Variants in OSBPL1A observed in about 807,000 individuals in gnomAD.
OSBPL1A encodes oxysterol-binding protein-related protein 1.
OSBPL1A carries 80 observed loss-of-function variants against 137.1 expected under a neutral mutation model. The ratio of observed to expected loss-of-function variants is 0.58; its 90% confidence interval spans 0.49 to 0.70. OSBPL1A has a LOEUF of 0.70. Among genes scored for constraint, OSBPL1A ranks in the 30% least tolerant of loss-of-function variants. The pLI, the probability that OSBPL1A is intolerant of heterozygous loss-of-function variation, is 0.00. For synonymous variants in OSBPL1A, 365 were observed against 389.7 expected, an observed-to-expected ratio of 0.94 and a Z score of 0.75; for missense variants, 970 against 1,129.4, an observed-to-expected ratio of 0.86 and a Z score of 2.02.
At chr18:24,282,859 C>T (rs972711449) in intron 14 of OSBPL1A, among the ~76,000 whole-genome samples, 1 of 151,976 alleles carries the variant, frequency 6.6e-6, no homozygotes, top group Non-Finnish European at 1.5e-5. Context: ...GTGTAATCCT[C>T]GCACTTTGAG....
chr18:24,368,887 T>C (rs923470965), intron 2 of OSBPL1A, among the ~76,000 whole-genome samples: 11 of 152,072 alleles, frequency 7.2e-5, no homozygotes, highest in Admixed American at 2.6e-4. Context: ...CCATATCTCA[T>C]GTTGAATTGG....
intron 15 of OSBPL1A, among the ~76,000 whole-genome samples, chr18:24,267,876 T>G (rs2089621669): frequency 6.6e-6 from 1 of 151,056 alleles, no homozygotes; most frequent in Admixed American, 6.6e-5. Context: ...GGGATGAACA[T>G]GAATCCTACC....
At chr18:24,243,566 CA>C (rs1190080861) in intron 15 of OSBPL1A, among the ~76,000 whole-genome samples, 1 of 152,100 alleles carries the variant, frequency 6.6e-6, no homozygotes, top group Non-Finnish European at 1.5e-5. Flanking sequence ...CCAGTCCCCT[CA>C]AAAAAATCTT....
chr18:24,200,494 G>A (rs12967712), intron 17 of OSBPL1A, among the ~76,000 whole-genome samples: 102,503 of 150,892 alleles, frequency 0.68, 36,651 homozygotes, highest in Non-Finnish European at 0.8. Flanking sequence ...CCTGGGAAGC[G>A]GAGGTTGCAG....
chr18:24,197,786 C>CT (rs1043369707), intron 17 of OSBPL1A, among the ~76,000 whole-genome samples: 3,101 of 122,742 alleles, frequency 0.025, 53 homozygotes, highest in African/African-American at 0.043. Flanking sequence ...CTTTTCTTTT[C>CT]TTTTTTTTTT....
At chr18:24,358,572 G>A (rs992668591) in intron 4 of OSBPL1A, 8 of 699,870 alleles carry the variant, frequency 1.1e-5, no homozygotes, top group African/African-American at 3.5e-5. Context: ...GAAACGATAC[G>A]TGTCAAGTTG....
chr18:24,226,994 C>T (rs896657303), intron 16 of OSBPL1A, among the ~76,000 whole-genome samples: 1 of 147,432 alleles, frequency 6.8e-6, no homozygotes, highest in African/African-American at 2.5e-5. Flanking sequence ...CAAGTTCAAG[C>T]AATTCTCCTG....
Position 24,335,816 on chromosome 18 carries a change from A to G in OSBPL1A, c.395-1486T>C, listed in dbSNP as rs542472620. 5.3e-5 allele frequency among the ~76,000 whole-genome samples: 8 copies of G among 152,376 alleles called. No homozygotes were observed. In the East Asian group the frequency reaches 1.2e-3, roughly 22 times the overall value. Reference sequence around the variant, plus strand: ...ATTGCATTTAAACTACAGGGAACACATGTATTGAATCCAGCAACTGCTGAA... The same window carrying G: ...ATTGCATTTAAACTACAGGGAACACGTGTATTGAATCCAGCAACTGCTGAA... On this transcript the variant is annotated intron_variant, in intron 5 of 27. Transcript: ENST00000319481.
rs998996971 is a variant in OSBPL1A, at chr18:24,243,870, G to T, written c.1282-4488C>A. On this transcript the variant is annotated intron_variant, in intron 15 of 27. Transcript: ENST00000319481. ...CCTGTCATGTAAGTGATGTATATGA[G>T]AGAGTAACTACACATCACAGAAAAT... Among the ~76,000 whole-genome samples the T allele has an allele frequency of 1.1e-4, 16 of 152,186 alleles. 1 individual carries two copies. Among genetic ancestry groups the T allele is most frequent in the Admixed American group, 1.0e-3 (16 of 15,280 alleles).
At chr18:24,200,543 C>T (rs2087188201) in intron 17 of OSBPL1A, among the ~76,000 whole-genome samples, 1 of 132,340 alleles carries the variant, frequency 7.6e-6, no homozygotes, top group Non-Finnish European at 1.6e-5. Context: ...GCCTGGGTGA[C>T]AGAGTGAGAC....
At chr18:24,302,246 A>AG (rs1357928446) in intron 14 of OSBPL1A, 7 of 151,474 alleles carry the variant, frequency 4.6e-5, no homozygotes, top group Non-Finnish European at 8.8e-5. Context: ...GAAAAAAAAA[A>AG]AAAAAAAGTT....
At chr18:24,309,269 T>G (rs1363554569) in intron 13 of OSBPL1A, among the ~76,000 whole-genome samples, 2 of 152,246 alleles carry the variant, frequency 1.3e-5, no homozygotes, top group Admixed American at 1.3e-4. Context: ...TAATTAATTC[T>G]AGGACTTGTT....
intron 17 of OSBPL1A, among the ~76,000 whole-genome samples, chr18:24,201,908 CTGTT>C (rs2087232870): frequency 6.6e-6 from 1 of 152,302 alleles, no homozygotes; most frequent in African/African-American, 2.4e-5. Flanking sequence ...ACACTCAACA[CTGTT>C]TGCTCATAGA....
chr18:24,178,847 T>A (rs1567923292), intron 20 of OSBPL1A, among the ~76,000 whole-genome samples: 1 of 152,084 alleles, frequency 6.6e-6, no homozygotes, highest in East Asian at 1.9e-4. Flanking sequence ...TCAAAACTTG[T>A]GCAGAGAAGA....
At chr18:24,243,616 G>A (rs914610125) in intron 15 of OSBPL1A, among the ~76,000 whole-genome samples, 8 of 152,138 alleles carry the variant, frequency 5.3e-5, no homozygotes, top group Non-Finnish European at 1.0e-4. Context: ...CCTAAAATAA[G>A]CACCACTTAG....
intron 4 of OSBPL1A, chr18:24,358,520 A>T: frequency 1.4e-6 from 1 of 702,316 alleles, no homozygotes; most frequent in Non-Finnish European, 2.6e-6. Flanking sequence ...ATCTAGAACA[A>T]ATTATATGTA....
chr18:24,366,669 C>T (rs1373294875), intron 4 of OSBPL1A: 1 of 387,244 alleles, frequency 2.6e-6, no homozygotes, highest in Non-Finnish European at 4.6e-6. Flanking sequence ...ACGGAATGAT[C>T]TCCTCACAGG....
At chr18:24,306,675 C>T (rs753324287) in intron 13 of OSBPL1A, among the ~76,000 whole-genome samples, 1 of 152,078 alleles carries the variant, frequency 6.6e-6, no homozygotes, top group African/African-American at 2.4e-5. Context: ...CTGGGAAGAG[C>T]AGCAAGGGAA....
intron 15 of OSBPL1A, among the ~76,000 whole-genome samples, chr18:24,278,211 C>T (rs1454374645): frequency 6.6e-6 from 1 of 152,138 alleles, no homozygotes; most frequent in African/African-American, 2.4e-5. Flanking sequence ...GTGAAGTAGC[C>T]TTGTCATTTA....
Sources: gnomAD v4.1 joint callset for allele counts (sites outside exome capture counted in the v4.1 genomes callset) on GRCh38, gnomAD v4.1.1 for gene constraint, MANE v1.5 for transcripts, NCBI Gene and HGNC (gene_info 2026-07-23, HGNC 2026-07-21) for gene names.